LMBR1: variants seen among roughly 807,000 people sequenced by gnomAD.
The protein encoded by LMBR1 is limb development membrane protein 1.
Under a neutral mutation model 73.9 loss-of-function variants are expected in LMBR1, and 52 were observed. That is an observed-to-expected ratio of 0.70 (90% CI 0.56 to 0.89). The LOEUF (loss-of-function observed/expected upper bound fraction) is 0.89, where lower values mean the gene tolerates loss of function less well. Ranked by LOEUF, LMBR1 falls within the 40% of genes least tolerant of loss-of-function variation. LMBR1 has a pLI of 0.00. For missense variants in LMBR1, 539 were observed against 579.8 expected (o/e 0.93, Z 0.72); for synonymous variants, 215 against 209.4 (o/e 1.03, Z -0.23).
At chr7:156,831,808 A>G (rs1227183992) in intron 3 of LMBR1, among the ~76,000 whole-genome samples, 2 of 152,214 alleles carry the variant, frequency 1.3e-5, no homozygotes, top group African/African-American at 2.4e-5. Flanking sequence ...TTCTGTTTAT[A>G]AATTACGGAT....
intron 5 of LMBR1, among the ~76,000 whole-genome samples, chr7:156,784,239 G>T (rs1243307621): frequency 6.6e-6 from 1 of 152,042 alleles, no homozygotes; most frequent in Non-Finnish European, 1.5e-5. Context: ...TCACGGTGTT[G>T]GCTTTTCTCA....
chr7:156,721,629 A>C (rs1814600283), intron 15 of LMBR1, among the ~76,000 whole-genome samples: 1 of 152,138 alleles, frequency 6.6e-6, no homozygotes, highest in Admixed American at 6.6e-5. Context: ...TGTTTTGAAA[A>C]ATATATTCAT....
At chr7:156,674,091 G>T (rs902915400), downstream of LMBR1, among the ~76,000 whole-genome samples, 2 of 152,182 alleles carry the variant, frequency 1.3e-5, no homozygotes, top group African/African-American at 2.4e-5. Context: ...TGAAGCAGAT[G>T]TAACTGCTGA....
intron 15 of LMBR1, among the ~76,000 whole-genome samples, chr7:156,721,294 G>T (rs968861624): frequency 1.3e-5 from 2 of 152,048 alleles, no homozygotes; most frequent in Admixed American, 1.3e-4. Flanking sequence ...CTCTTTAAAG[G>T]AGAATTCAAA....
intron 1 of LMBR1, among the ~76,000 whole-genome samples, chr7:156,848,885 C>T (rs1207209593): frequency 1.4e-5 from 2 of 147,590 alleles, no homozygotes; most frequent in South Asian, 2.1e-4. Flanking sequence ...GAGCAGAGAT[C>T]GTACCATGAC....
chr7:156,876,023 C>T (rs1269418013), intron 1 of LMBR1, among the ~76,000 whole-genome samples: 1 of 151,776 alleles, frequency 6.6e-6, no homozygotes, highest in Non-Finnish European at 1.5e-5. Context: ...TTAAAAGATA[C>T]AGAATTGCGG....
At chr7:156,879,926 A>G (rs1214173926) in intron 1 of LMBR1, among the ~76,000 whole-genome samples, 1 of 152,354 alleles carries the variant, frequency 6.6e-6, no homozygotes, top group Non-Finnish European at 1.5e-5. Context: ...TACAACCACT[A>G]TGGAAAACAG....
intron 7 of LMBR1, among the ~76,000 whole-genome samples, chr7:156,762,843 G>T (rs796809181): frequency 8.7e-5 from 9 of 103,786 alleles, no homozygotes; most frequent in African/African-American, 1.7e-4. Context: ...GTGTGTGAGT[G>T]TGAGTGTGTG....
At chr7:156,817,555 C>G (rs1369296068) in intron 4 of LMBR1, among the ~76,000 whole-genome samples, 1 of 151,494 alleles carries the variant, frequency 6.6e-6, no homozygotes, top group Non-Finnish European at 1.5e-5. Flanking sequence ...AGAGAGAGAA[C>G]TTCAGAATTA....
intron 1 of LMBR1, among the ~76,000 whole-genome samples, chr7:156,890,786 A>G (rs1018201261): frequency 6.6e-6 from 1 of 152,176 alleles, no homozygotes; most frequent in African/African-American, 2.4e-5. Context: ...AAATTGTTTT[A>G]AAGTATCTAC....
chr7:156,797,921 A>T (rs1475819100), intron 4 of LMBR1, among the ~76,000 whole-genome samples: 2 of 152,030 alleles, frequency 1.3e-5, no homozygotes, highest in Non-Finnish European at 2.9e-5. Context: ...AACTATTTAA[A>T]ATTTTTAAAA....
intron 1 of LMBR1, among the ~76,000 whole-genome samples, chr7:156,856,100 CAGG>C (rs368898978): frequency 0.1 from 15,153 of 151,976 alleles, 855 homozygotes; most frequent in African/African-American, 0.13. Context: ...GAGGCTGAGG[CAGG>C]AGAATGGCGT....
chr7:156,879,663 CA>C lies in LMBR1; in HGVS notation c.66+13264del, dbSNP rs751353773. Among the ~76,000 whole-genome samples, 574 of 92,402 alleles carry C rather than the reference CA, an allele frequency of 6.2e-3. 2 individuals carry two copies. The highest frequency in any genetic ancestry group is 0.049 in the Middle Eastern group (8 of 164). 60.6% of individuals were successfully genotyped at this position (92,402 alleles called of 152,430 possible). ...TGGGTGACAGAGCGAGACTCTGTCT[CA>C]AAAAAAAAAAAAAAAAAGTGGGCTA... On this transcript the variant is annotated intron_variant, in intron 1 of 16. Coordinates refer to ENST00000353442, the MANE Select transcript of LMBR1 (RefSeq NM_022458.4).
chr7:156,887,047 A>C (rs1802022282), intron 1 of LMBR1, among the ~76,000 whole-genome samples: 1 of 152,234 alleles, frequency 6.6e-6, no homozygotes, highest in African/African-American at 2.4e-5. Flanking sequence ...TCTCAAAAGA[A>C]AGGAAATCAA....
intron 1 of LMBR1, among the ~76,000 whole-genome samples, chr7:156,862,143 T>C (rs1368608796): frequency 6.6e-6 from 1 of 152,218 alleles, no homozygotes; most frequent in African/African-American, 2.4e-5. Context: ...AGAGTTTTAA[T>C]GGACTTACAG....
chr7:156,887,808 C>G (rs1802181353), intron 1 of LMBR1, among the ~76,000 whole-genome samples: 1 of 152,000 alleles, frequency 6.6e-6, no homozygotes, highest in Admixed American at 6.6e-5. Flanking sequence ...TAAAGAACTC[C>G]TAAAACTAAA....
chr7:156,855,666 C>CA (rs35231167), intron 1 of LMBR1, among the ~76,000 whole-genome samples: 7,860 of 87,266 alleles, frequency 0.09, 346 homozygotes, highest in Non-Finnish European at 0.13. Flanking sequence ...AACGTAAATA[C>CA]AAAAAAAAAA....
chr7:156,773,321 C>A (rs1050723049), intron 5 of LMBR1, among the ~76,000 whole-genome samples: 1 of 151,782 alleles, frequency 6.6e-6, no homozygotes, highest in Non-Finnish European at 1.5e-5. Flanking sequence ...CAATGACATT[C>A]TTCACAGAAT....
At chr7:156,837,239 G>A (rs1422156296) in intron 1 of LMBR1, among the ~76,000 whole-genome samples, 1 of 151,538 alleles carries the variant, frequency 6.6e-6, no homozygotes, top group African/African-American at 2.4e-5. Flanking sequence ...AGATGCTGAG[G>A]CAGGAGAATC....
Sources: allele counts gnomAD v4.1 joint callset (sites outside exome capture counted in the v4.1 genomes callset), GRCh38; gene constraint gnomAD v4.1.1; transcripts MANE v1.5; gene names NCBI Gene and HGNC (gene_info 2026-07-23, HGNC 2026-07-21).